PLOD2: variants seen among roughly 807,000 people sequenced by gnomAD.
The protein encoded by PLOD2 is procollagen-lysine,2-oxoglutarate 5-dioxygenase 2.
PLOD2 carries 65 observed loss-of-function variants against 101.0 expected under a neutral mutation model. The observed-to-expected ratio is 0.64, with a 90% confidence interval of 0.53 to 0.79. The LOEUF is 0.79. Among genes scored for constraint, PLOD2 ranks in the 30% least tolerant of loss-of-function variants. The pLI is 0.00. For missense variants in PLOD2, 909 were observed against 914.6 expected (o/e 0.99, Z 0.08); for synonymous variants, 314 against 302.9 (o/e 1.04, Z -0.38).
intron 4 of PLOD2, among the ~76,000 whole-genome samples, chr3:146,108,197 G>A (rs1452966676): frequency 6.6e-6 from 1 of 151,282 alleles, no homozygotes; most frequent in Non-Finnish European, 1.5e-5. Context: ...TGTTGTTTTT[G>A]GAGATGGGGC....
intron 1 of PLOD2, among the ~76,000 whole-genome samples, chr3:146,143,700 A>G (rs1358106639): frequency 1.3e-5 from 2 of 152,136 alleles, no homozygotes; most frequent in African/African-American, 4.8e-5. Context: ...CCCTTTAGAG[A>G]GGCTAAAGGG....
intron 7 of PLOD2, among the ~76,000 whole-genome samples, chr3:146,096,998 G>A (rs940527777): frequency 1.4e-5 from 2 of 146,536 alleles, no homozygotes; most frequent in South Asian, 2.2e-4. Flanking sequence ...CGGGAGGGAG[G>A]TGGGGGGGTC....
At chr3:146,077,181 G>A (rs1227250909) in intron 14 of PLOD2, 1 of 1,040,508 alleles carries the variant, frequency 9.6e-7, no homozygotes, top group Non-Finnish European at 1.2e-6. Context: ...GTAGACATCG[G>A]GGAAAAAATT....
chr3:146,134,817 T>C (rs989007836), intron 1 of PLOD2, among the ~76,000 whole-genome samples: 6 of 152,228 alleles, frequency 3.9e-5, no homozygotes, highest in African/African-American at 1.2e-4. Context: ...AGGCAAGCCA[T>C]GCTCTAAGAG....
chr3:146,133,525 G>A (rs567281028), intron 1 of PLOD2, among the ~76,000 whole-genome samples: 24 of 152,156 alleles, frequency 1.6e-4, no homozygotes, highest in African/African-American at 5.5e-4. Context: ...AATTGTCCAT[G>A]ACCTAAAAGG....
chr3:146,072,764 G>T, intron 16 of PLOD2, 99 bp from the exon 17 acceptor site: 1 of 760,680 alleles, frequency 1.3e-6, no homozygotes, highest in South Asian at 1.6e-5. Context: ...AATCCTGTAT[G>T]ACTAGGAAAC....
At chr3:146,124,038 G>A in intron 2 of PLOD2, 100 bp downstream of exon 2, 1 of 732,788 alleles carries the variant, frequency 1.4e-6, no homozygotes, top group Non-Finnish European at 2.5e-6. Context: ...GTAACCAAAT[G>A]CTATCTTCCT....
At chr3:146,129,707 C>T (rs951149888) in intron 1 of PLOD2, among the ~76,000 whole-genome samples, 13 of 152,138 alleles carry the variant, frequency 8.5e-5, no homozygotes, top group Non-Finnish European at 1.9e-4. Context: ...TTATAACTCC[C>T]ATCCCTTTCT....
At chr3:146,160,161 C>CA (rs1392691142) in intron 1 of PLOD2, among the ~76,000 whole-genome samples, 1 of 152,194 alleles carries the variant, frequency 6.6e-6, no homozygotes, top group Non-Finnish European at 1.5e-5. Context: ...CAAAAGGCAG[C>CA]AAAGCATGTT....
chr3:146,116,841 A>T (rs1441780038), intron 3 of PLOD2, among the ~76,000 whole-genome samples: 1 of 152,062 alleles, frequency 6.6e-6, no homozygotes, highest in African/African-American at 2.4e-5. Context: ...AAATTTTTTT[A>T]TCTAAATTAA....
At chr3:146,129,417 T>A (rs1341864558) in intron 1 of PLOD2, among the ~76,000 whole-genome samples, 1 of 152,184 alleles carries the variant, frequency 6.6e-6, no homozygotes, top group Non-Finnish European at 1.5e-5. Flanking sequence ...TACTTATCCA[T>A]ATAGTTGGCC....
At chr3:146,104,398 C>A in intron 5 of PLOD2, 56 bp from the exon 6 acceptor site, 1 of 861,118 alleles carries the variant, frequency 1.2e-6, no homozygotes, top group South Asian at 1.3e-5. Flanking sequence ...AGCAAACATT[C>A]CTATCATATT....
chr3:146,121,588 CT>C (rs940123375), intron 2 of PLOD2, among the ~76,000 whole-genome samples: 2 of 151,880 alleles, frequency 1.3e-5, no homozygotes, highest in East Asian at 1.9e-4. Flanking sequence ...TCCCATATCA[CT>C]TTTTTTTCAA....
chr3:146,127,634 C>G (rs745469016), intron 1 of PLOD2, among the ~76,000 whole-genome samples: 22 of 152,082 alleles, frequency 1.4e-4, no homozygotes, highest in Non-Finnish European at 2.6e-4. Context: ...CTGCAATAAA[C>G]TTATGAGTAT....
chr3:146,147,430 G>C (rs1384366876), intron 1 of PLOD2, among the ~76,000 whole-genome samples: 4 of 152,178 alleles, frequency 2.6e-5, no homozygotes, highest in African/African-American at 7.2e-5. Flanking sequence ...GAAGACACTA[G>C]AAGCGGGGCA....
rs147522638 is a variant in PLOD2, at chr3:146,077,719, C to T, written c.1563+143G>A. The T allele has an allele frequency of 7.3e-4, 416 of 570,418 alleles. 2 individuals are homozygous for T. Among genetic ancestry groups the T allele is most frequent in the African/African-American group, 6.6e-3 (350 of 52,746 alleles). The allele number at this position is 570,418 out of a possible 1,614,324, so 35.3% of individuals were successfully genotyped here. On this transcript the variant is annotated intron_variant, in intron 14 of 19. Transcript: ENST00000282903. ...ACCCATGCCCAAGTCACACAAAACACGCAAACACACAGATGACTGATGAAA... is the reference window on the plus strand; with the variant it reads ...ACCCATGCCCAAGTCACACAAAACATGCAAACACACAGATGACTGATGAAA...
At chr3:146,085,424 T>C (rs1265290166) in intron 10 of PLOD2, 151 bp from the exon 11 acceptor site, 4 of 613,978 alleles carry the variant, frequency 6.5e-6, no homozygotes, top group East Asian at 5.7e-5. Flanking sequence ...AAACGATATA[T>C]ATATTGTCTT....
intron 3 of PLOD2, among the ~76,000 whole-genome samples, chr3:146,114,770 G>T (rs2108077772): frequency 6.6e-6 from 1 of 152,202 alleles, no homozygotes; most frequent in East Asian, 1.9e-4. Context: ...AGGAAGACAT[G>T]AAAAACAGGG....
At chr3:146,092,551 A>T (rs1390271067) in intron 7 of PLOD2, among the ~76,000 whole-genome samples, 1 of 152,126 alleles carries the variant, frequency 6.6e-6, no homozygotes. Flanking sequence ...TCCTAGTGAC[A>T]GTAAGCTAAA....
Sources: gnomAD v4.1 joint callset for allele counts (sites outside exome capture counted in the v4.1 genomes callset) on GRCh38, gnomAD v4.1.1 for gene constraint, MANE v1.5 for transcripts, NCBI Gene and HGNC (gene_info 2026-07-23, HGNC 2026-07-21) for gene names.